GRM4: variants seen among roughly 807,000 people sequenced by gnomAD.
GRM4 encodes the protein metabotropic glutamate receptor 4.
In GRM4, 28 loss-of-function variants were observed where a neutral mutation model predicts 81.7. The observed-to-expected ratio is 0.34, with a 90% confidence interval of 0.25 to 0.47. The LOEUF is 0.47. Among genes scored for constraint, GRM4 ranks in the 20% least tolerant of loss-of-function variants. The probability of loss-of-function intolerance (pLI) is 1.00; values close to 1 mark genes in which losing one functional copy is unlikely to be tolerated. For synonymous variants in GRM4, 488 were observed against 528.8 expected (o/e 0.92, Z 1.06); for missense variants, 948 against 1,290.0 (o/e 0.73, Z 4.06).
intron 2 of GRM4, among the ~76,000 whole-genome samples, chr6:34,132,206 G>C (rs577409385): frequency 1.3e-5 from 2 of 152,246 alleles, no homozygotes; most frequent in South Asian, 4.1e-4. Context: ...AGAAGGAAAG[G>C]GAGAAAGGTG....
chr6:34,082,957 A>G (rs745785684), intron 3 of GRM4, among the ~76,000 whole-genome samples: 9 of 152,200 alleles, frequency 5.9e-5, no homozygotes, highest in Admixed American at 2.0e-4. Context: ...CAGAACGCCA[A>G]AGCCACAAAG....
In GRM4 at chr6:34,050,897, T is replaced by C. The variant is rs543833379; in HGVS notation, c.1168+5647A>G. On this transcript the variant is annotated intron_variant, in intron 6 of 10. Coordinates refer to ENST00000538487, the MANE Select transcript of GRM4 (RefSeq NM_000841.4). ...CCCCTCACTGAGCCCAACACAGAGC[T>C]GGCTGGGCACACAGTCAGGCTCTTC... Among the ~76,000 whole-genome samples, 9 of 152,346 alleles carry C rather than the reference T, an allele frequency of 5.9e-5. No individual in the cohort carries two copies. The South Asian group carries it at 1.9e-3, about 32-fold the overall frequency.
At chr6:34,102,909 T>G (rs1342888037) in intron 2 of GRM4, among the ~76,000 whole-genome samples, 5 of 152,220 alleles carry the variant, frequency 3.3e-5, no homozygotes, top group Non-Finnish European at 7.3e-5. Context: ...AATTCTCACA[T>G]GGTCTGACGC....
intron 6 of GRM4, among the ~76,000 whole-genome samples, chr6:34,044,746 A>G (rs1765260840): frequency 7.5e-6 from 1 of 133,650 alleles, no homozygotes; most frequent in South Asian, 2.3e-4. Context: ...ATACATACAC[A>G]TATATACACA....
chr6:34,128,408 C>T (rs1225420485), intron 2 of GRM4, among the ~76,000 whole-genome samples: 9 of 125,738 alleles, frequency 7.2e-5, no homozygotes, highest in South Asian at 4.9e-4. Flanking sequence ...GACTGAGTTT[C>T]GCTCTTGTCG....
rs1027495703 is a variant in GRM4, at chr6:34,064,615, C to G, written c.737-2587G>C. Among the ~76,000 whole-genome samples, 13 of 152,172 alleles carry G rather than the reference C, an allele frequency of 8.5e-5. No individual in the cohort carries two copies. The highest frequency in any genetic ancestry group is 1.3e-4 in the Non-Finnish European group (9 of 68,030). The stretch of plus-strand genomic sequence containing the variant: ...CCGTGGGTTCCCTCTGTTTCACAGC[C>G]CTATTGTCAGCATGTCCGCTCAGGG... On this transcript the variant is annotated intron_variant, in intron 3 of 10. Coordinates refer to ENST00000538487, the MANE Select transcript of GRM4 (RefSeq NM_000841.4). This position sits in a 1 kb window ranked among gnomAD's most constrained non-coding sequence, Gnocchi z 4.4.
At chr6:34,050,547 G>A (rs983240255) in intron 6 of GRM4, among the ~76,000 whole-genome samples, 3 of 152,166 alleles carry the variant, frequency 2.0e-5, no homozygotes, top group Non-Finnish European at 4.4e-5. Context: ...GCAGATGCAG[G>A]TGCCACGCTT....
intron 3 of GRM4, 117 bp from the exon 4 acceptor site, chr6:34,062,145 A>G: frequency 9.2e-7 from 1 of 1,087,336 alleles, no homozygotes; most frequent in South Asian, 1.8e-5. Context: ...CCCCAGCCTG[A>G]CTCCCAGCCC....
In GRM4 at chr6:34,137,996, C is replaced by T. The variant is rs1239872342; in HGVS notation, c.-363-4137G>A. 2.0e-5 allele frequency among the ~76,000 whole-genome samples: 3 copies of T among 152,146 alleles called. 1 individual carries two copies. Among genetic ancestry groups the T allele is most frequent in the South Asian group, 4.1e-4 (2 of 4,828 alleles). ...CCAAGCCAGAAAGAACCACAAACCA[C>T]AAAACAACAACCGGATCCGAAGAGA... is the stretch of plus-strand genomic sequence containing the variant. On this transcript the variant is annotated intron_variant, in intron 1 of 10. Transcript: ENST00000538487.
At position 34,121,295 on chromosome 6, in the gene GRM4, T is replaced by C. The variant is rs1485855351; in HGVS notation, c.519+11683A>G. Among the ~76,000 whole-genome samples, 1 of 152,200 alleles carries C rather than the reference T, an allele frequency of 6.6e-6. No individual in the cohort carries two copies. Among genetic ancestry groups the C allele is most frequent in the African/African-American group, 2.4e-5 (1 of 41,440 alleles). ...GGATTAAGGGTTGTTCTCTTCCAGC[T>C]GCTCTGCTGTGGGGACCTCACTGGA... On this transcript the variant is annotated intron_variant, in intron 2 of 10. Coordinates refer to ENST00000538487, the MANE Select transcript of GRM4 (RefSeq NM_000841.4). This position sits in a 1 kb window ranked among gnomAD's most constrained non-coding sequence, Gnocchi z 4.6.
At chr6:34,139,005 C>G (rs879276359) in intron 1 of GRM4, among the ~76,000 whole-genome samples, 7 of 152,240 alleles carry the variant, frequency 4.6e-5, no homozygotes, top group Non-Finnish European at 1.0e-4. Flanking sequence ...AACCTTCAAC[C>G]CACCCCAGGC....
In GRM4 at chr6:34,084,664, A is replaced by C. The variant is rs369689527; in HGVS notation, c.736+7219T>G. ...ATTTCAACATGCGGCATTGGCCTAA[A>C]AGAAACTCTCCTCAGCCCCACCTCA... On this transcript the variant is annotated intron_variant, in intron 3 of 10. Transcript: ENST00000538487. 2.6e-4 allele frequency among the ~76,000 whole-genome samples: 39 copies of C among 152,300 alleles called. No homozygotes were observed. The East Asian group carries it at 2.7e-3, about 11-fold the overall frequency.
At chr6:34,088,820 G>A (rs1264177978) in intron 3 of GRM4, among the ~76,000 whole-genome samples, 1 of 152,246 alleles carries the variant, frequency 6.6e-6, no homozygotes, top group Non-Finnish European at 1.5e-5. Context: ...GTCTGGCCCA[G>A]GCAGGGCTCA....
rs751004426 is a variant in GRM4 at position 34,133,384 on chromosome 6, G to A, written c.113C>T (p.Pro38Leu). The A allele has an allele frequency of 1.9e-6, 3 of 1,613,888 alleles. No homozygotes were observed. In the South Asian group the frequency reaches 3.3e-5, roughly 18 times the overall value. ...ATCTATGCGGATGGAATTCATGTGA[G>A]GGTGGCCTTTGGGCTTTCCCAGGGA... is the stretch of plus-strand genomic sequence containing the variant. ...PSSLGKPKGH[P>L]HMNSIRIDGD... The change falls in exon 2 of 11, where the codon CCT becomes CTT. Residue 38 changes from proline to leucine, a missense_variant. Transcript: ENST00000538487. The surrounding 1 kb of genome is among the most constrained non-coding windows in gnomAD (Gnocchi z 6.5).
chr6:34,102,292 A>C, intron 2 of GRM4: 1 of 698,682 alleles, frequency 1.4e-6, no homozygotes, highest in East Asian at 2.7e-5. Flanking sequence ...TCAGAATTAC[A>C]CTTGGCATTT....
rs1763846382 is a variant in GRM4, at chr6:34,020,857, T to G, written c.*1964A>C. 2.6e-5 allele frequency: 4 copies of G among 152,330 alleles called. No individual in the cohort carries two copies. 9.4% of individuals were successfully genotyped at this position (152,330 alleles called of 1,614,324 possible). A position where few individuals can be genotyped will look rare whatever the true frequency, so the allele number is the denominator to read the frequency against. ...CATGATTCAATGTCCCAGCCTCAGT[T>G]ATACACACACTCTCATACTCTGTCC... On this transcript the variant is annotated 3_prime_UTR_variant, in exon 11 of 11. Transcript: ENST00000538487.
At chr6:34,043,147 A>G (rs1251252296) in intron 6 of GRM4, among the ~76,000 whole-genome samples, 2 of 152,222 alleles carry the variant, frequency 1.3e-5, no homozygotes, top group Non-Finnish European at 1.5e-5. Flanking sequence ...TCCAGCTTCT[A>G]GACCCCACCC....
At chr6:34,102,243 T>C in intron 2 of GRM4, 1 of 1,164,990 alleles carries the variant, frequency 8.6e-7, no homozygotes, top group Non-Finnish European at 1.2e-6. Context: ...TGCCAAGTGC[T>C]AATAAAATGC....
rs1168697803 is a variant in GRM4, at chr6:34,115,042, C to G, written c.519+17936G>C. On this transcript the variant is annotated intron_variant, in intron 2 of 10. Coordinates refer to ENST00000538487, the MANE Select transcript of GRM4 (RefSeq NM_000841.4). This position sits in a 1 kb window ranked among gnomAD's most constrained non-coding sequence, Gnocchi z 4.1. ...TGAGGACAAACGGACCTTTAAGTGC[C>G]ACTAATCACTGCATCCAGGAGCAGC... is the stretch of plus-strand genomic sequence containing the variant. Among the ~76,000 whole-genome samples, 1 of 152,200 alleles carries G rather than the reference C, an allele frequency of 6.6e-6. No individual in the cohort carries two copies. The highest frequency in any genetic ancestry group is 1.5e-5 in the Non-Finnish European group (1 of 68,044).
Sources: gnomAD v4.1 joint callset for allele counts (sites outside exome capture counted in the v4.1 genomes callset) on GRCh38, gnomAD v4.1.1 for gene constraint, Gnocchi (gnomAD v3.1) non-coding constraint, MANE v1.5 for transcripts, NCBI Gene and HGNC (gene_info 2026-07-23, HGNC 2026-07-21) for gene names.